The following SLC9A9 variants were observed in gnomAD, a reference collection of about 807,000 sequenced individuals.
The protein encoded by SLC9A9 is solute carrier family 9 member A9.
SLC9A9 carries 62 observed loss-of-function variants against 77.8 expected under a neutral mutation model. The ratio of observed to expected loss-of-function variants is 0.80; its 90% CI spans 0.65 to 0.98. The LOEUF (loss-of-function observed/expected upper bound fraction) is 0.98. SLC9A9 is among the 50% of genes least tolerant of loss of function. The pLI is 0.00. For synonymous variants in SLC9A9, 320 were observed against 283.5 expected, an observed-to-expected ratio of 1.13 and a Z score of -1.29; for missense variants, 775 against 774.9, an observed-to-expected ratio of 1.00 and a Z score of 0.00.
chr3:143,702,779 T>C (rs995672905), intron 4 of SLC9A9, among the ~76,000 whole-genome samples: 8 of 151,670 alleles, frequency 5.3e-5, no homozygotes, highest in Non-Finnish European at 1.0e-4. Flanking sequence ...GCTGAATGGA[T>C]GAAAAAAACA....
At chr3:143,407,737 A>C (rs2034009624) in intron 12 of SLC9A9, among the ~76,000 whole-genome samples, 1 of 152,234 alleles carries the variant, frequency 6.6e-6, no homozygotes, top group Non-Finnish European at 1.5e-5. Context: ...AGTGATGGTC[A>C]GGATAGGGAA....
chr3:143,310,345 A>G (rs1425811575), intron 14 of SLC9A9, among the ~76,000 whole-genome samples: 1 of 152,294 alleles, frequency 6.6e-6, no homozygotes. Flanking sequence ...AACAGTTTCC[A>G]GTGCACACTT....
chr3:143,381,737 G>A (rs2033308174), intron 13 of SLC9A9, among the ~76,000 whole-genome samples: 1 of 152,212 alleles, frequency 6.6e-6, no homozygotes, highest in South Asian at 2.1e-4. Flanking sequence ...ATTTCACTGA[G>A]TTGGCTAGCT....
chr3:143,501,744 TAAC>T (rs2035927196), intron 9 of SLC9A9, among the ~76,000 whole-genome samples: 1 of 150,982 alleles, frequency 6.6e-6, no homozygotes, highest in Non-Finnish European at 1.5e-5. Flanking sequence ...TTATATCACG[TAAC>T]AACATTTCTT....
chr3:143,283,110 C>T (rs1003208509), intron 14 of SLC9A9, among the ~76,000 whole-genome samples: 7 of 152,202 alleles, frequency 4.6e-5, no homozygotes, highest in African/African-American at 1.4e-4. Context: ...GCCCAGTAGG[C>T]AGAAATGAGT....
At chr3:143,651,937 T>A (rs990318405) in intron 6 of SLC9A9, among the ~76,000 whole-genome samples, 2 of 152,032 alleles carry the variant, frequency 1.3e-5, no homozygotes, top group African/African-American at 4.8e-5. Flanking sequence ...GGCGAAAAAT[T>A]AAATGATATT....
intron 2 of SLC9A9, among the ~76,000 whole-genome samples, chr3:143,825,663 A>G (rs1035607726): frequency 9.2e-5 from 14 of 152,336 alleles, no homozygotes; most frequent in African/African-American, 3.4e-4. Flanking sequence ...AACTCACTTC[A>G]AAGTAACTTC....
intron 5 of SLC9A9, among the ~76,000 whole-genome samples, chr3:143,657,685 G>C (rs2038913929): frequency 1.3e-5 from 2 of 152,136 alleles, no homozygotes; most frequent in Non-Finnish European, 2.9e-5. Flanking sequence ...ACATGTTAAA[G>C]AGCTTTGCAG....
chr3:143,701,046 A>T (rs1385733882), intron 4 of SLC9A9, among the ~76,000 whole-genome samples: 1 of 152,248 alleles, frequency 6.6e-6, no homozygotes, highest in East Asian at 1.9e-4. Context: ...ATCTTACCTA[A>T]GGCCTTCAAG....
intron 9 of SLC9A9, among the ~76,000 whole-genome samples, chr3:143,547,017 T>A (rs1289634394): frequency 6.6e-6 from 1 of 152,226 alleles, no homozygotes; most frequent in Non-Finnish European, 1.5e-5. Context: ...TTCTTCATCT[T>A]ACTTGAAATT....
chr3:143,844,744 TC>T (rs1481466814), intron 1 of SLC9A9, among the ~76,000 whole-genome samples: 1 of 146,354 alleles, frequency 6.8e-6, no homozygotes, highest in African/African-American at 2.6e-5. Context: ...TTTCTTTCTT[TC>T]TTTCTTTCTT....
At chr3:143,472,727 A>G (rs2035399117) in intron 11 of SLC9A9, among the ~76,000 whole-genome samples, 1 of 152,258 alleles carries the variant, frequency 6.6e-6, no homozygotes, top group African/African-American at 2.4e-5. Context: ...CAACAAATCA[A>G]TGAATGGATG....
intron 4 of SLC9A9, among the ~76,000 whole-genome samples, chr3:143,706,214 G>C (rs933956677): frequency 5.3e-5 from 8 of 152,114 alleles, no homozygotes; most frequent in Non-Finnish European, 1.2e-4. Flanking sequence ...AAATAAAAAA[G>C]AAACCCTTCT....
At chr3:143,778,736 C>T (rs1005828380) in intron 4 of SLC9A9, among the ~76,000 whole-genome samples, 2 of 152,012 alleles carry the variant, frequency 1.3e-5, no homozygotes, top group Non-Finnish European at 2.9e-5. Flanking sequence ...AGAGGAAAAC[C>T]AATTTCCTTA....
intron 5 of SLC9A9, among the ~76,000 whole-genome samples, chr3:143,665,334 CA>C (rs1285622201): frequency 1.3e-5 from 2 of 152,158 alleles, no homozygotes; most frequent in Non-Finnish European, 2.9e-5. Flanking sequence ...ACATTTAAAG[CA>C]GTGTGTAGAA....
chr3:143,675,869 G>T (rs1012441874), intron 5 of SLC9A9, among the ~76,000 whole-genome samples: 1 of 151,900 alleles, frequency 6.6e-6, no homozygotes, highest in Non-Finnish European at 1.5e-5. Context: ...TTTTTGGTAT[G>T]TCTCTCTTTT....
intron 4 of SLC9A9, among the ~76,000 whole-genome samples, chr3:143,712,783 G>A (rs75444043): frequency 0.031 from 4,683 of 152,220 alleles, 255 homozygotes; most frequent in African/African-American, 0.11. Flanking sequence ...GTCAAGAAAA[G>A]CCTTTAGTAA....
At chr3:143,359,274 A>C (rs1297242623) in intron 14 of SLC9A9, among the ~76,000 whole-genome samples, 1 of 152,200 alleles carries the variant, frequency 6.6e-6, no homozygotes, top group African/African-American at 2.4e-5. Flanking sequence ...CCCTGAGGAC[A>C]TACCAGGGAA....
chr3:143,730,592 C>G (rs531607216), intron 4 of SLC9A9, among the ~76,000 whole-genome samples: 134 of 152,240 alleles, frequency 8.8e-4, no homozygotes, highest in African/African-American at 3.1e-3. Context: ...CTCTTTGTTG[C>G]CAAGATATCT....
Sources: allele counts gnomAD v4.1 joint callset (sites outside exome capture counted in the v4.1 genomes callset), GRCh38; gene constraint gnomAD v4.1.1; transcripts MANE v1.5; gene names NCBI Gene and HGNC (gene_info 2026-07-23, HGNC 2026-07-21).